The following SCFD1 variants were observed in gnomAD, a reference collection of about 807,000 sequenced individuals.
SCFD1 encodes sec1 family domain-containing protein 1.
SCFD1 carries 37 observed loss-of-function variants against 103.2 expected under a neutral mutation model. That is an observed-to-expected ratio of 0.36 (90% confidence interval 0.28 to 0.47). SCFD1 has a LOEUF of 0.47. SCFD1 is among the 20% of genes least tolerant of loss of function. The pLI, the probability that SCFD1 is intolerant of heterozygous loss-of-function variation, is 1.00. For synonymous variants in SCFD1, 264 were observed against 245.0 expected (o/e 1.08, Z -0.73); for missense variants, 639 against 761.2 (o/e 0.84, Z 1.89).
chr14:30,622,277 A>G (rs1052033807), upstream of SCFD1: 1 of 1,585,372 alleles, frequency 6.3e-7, no homozygotes, highest in Non-Finnish European at 8.5e-7. Flanking sequence ...CGGGGCGGTA[A>G]GGGCAGCCAC....
intron 17 of SCFD1, among the ~76,000 whole-genome samples, chr14:30,704,525 TTTG>T (rs1891336217): frequency 6.6e-6 from 1 of 152,190 alleles, no homozygotes. Flanking sequence ...AAAACTATTT[TTTG>T]TTGTTGTTGT....
At chr14:30,652,465 G>GT (rs1184221949) in intron 9 of SCFD1, 1 of 151,932 alleles carries the variant, frequency 6.6e-6, no homozygotes, top group African/African-American at 2.4e-5. Context: ...GTGGTATAGC[G>GT]TTTTTTGAGG....
At chr14:30,707,430 G>A (rs1891545406) in intron 18 of SCFD1, among the ~76,000 whole-genome samples, 2 of 152,104 alleles carry the variant, frequency 1.3e-5, no homozygotes, top group South Asian at 4.1e-4. Context: ...AGTCTGTTCT[G>A]TTTCACATTT....
chr14:30,654,479 GCCTGGCCAACGTGGCGAAAT>G, intron 10 of SCFD1, among the ~76,000 whole-genome samples: 1 of 152,326 alleles, frequency 6.6e-6, no homozygotes, highest in Non-Finnish European at 1.5e-5. Context: ...CTAAAGACCA[GCCTGGCCAACGTGGCGAAAT>G]CCTGTCTCTA....
intron 7 of SCFD1, among the ~76,000 whole-genome samples, chr14:30,645,447 GTCT>G (rs543326796): frequency 2.6e-5 from 4 of 152,108 alleles, no homozygotes; most frequent in Non-Finnish European, 5.9e-5. Context: ...TTAATATTGA[GTCT>G]TCTTATCCAT....
At chr14:30,678,270 C>T (rs1177590906) in intron 14 of SCFD1, among the ~76,000 whole-genome samples, 3 of 152,112 alleles carry the variant, frequency 2.0e-5, no homozygotes, top group Admixed American at 6.5e-5. Flanking sequence ...TTCCTTCAGT[C>T]GTTTTCTAAA....
At chr14:30,655,667 T>C (rs993205968) in intron 10 of SCFD1, among the ~76,000 whole-genome samples, 7 of 152,290 alleles carry the variant, frequency 4.6e-5, no homozygotes, top group African/African-American at 1.7e-4. Flanking sequence ...CTGTAGAGTA[T>C]AGGATTTGCT....
At chr14:30,726,856 C>T (rs1253319761) in intron 23 of SCFD1, among the ~76,000 whole-genome samples, 1 of 152,144 alleles carries the variant, frequency 6.6e-6, no homozygotes, top group African/African-American at 2.4e-5. Flanking sequence ...GCAAATCGGG[C>T]TTACCATAGG....
intron 10 of SCFD1, among the ~76,000 whole-genome samples, chr14:30,666,007 G>A (rs1310871922): frequency 6.6e-6 from 1 of 152,086 alleles, no homozygotes; most frequent in East Asian, 1.9e-4. Flanking sequence ...ACAGATCAAC[G>A]AGACAGAAGG....
At chr14:30,653,742 G>GT in intron 10 of SCFD1, 154 bp downstream of exon 10, 1 of 488,108 alleles carries the variant, frequency 2.0e-6, no homozygotes, top group South Asian at 3.8e-5. Context: ...GTATTACTGG[G>GT]TGTGGATGCT....
chr14:30,641,640 T>C (rs1216006505), intron 6 of SCFD1, among the ~76,000 whole-genome samples: 4 of 152,228 alleles, frequency 2.6e-5, no homozygotes, highest in Admixed American at 6.5e-5. Context: ...GTATTCTTTA[T>C]GATATTGATT....
chr14:30,655,586 A>G (rs751964398), intron 10 of SCFD1, among the ~76,000 whole-genome samples: 1 of 152,204 alleles, frequency 6.6e-6, no homozygotes, highest in Non-Finnish European at 1.5e-5. Context: ...AGGCTGTTGC[A>G]GTTATCTTAG....
upstream of SCFD1, chr14:30,622,269 G>T (rs1882893121): frequency 1.3e-6 from 2 of 1,578,772 alleles, no homozygotes; most frequent in East Asian, 4.5e-5. Flanking sequence ...TTTGCTTCCG[G>T]GGCGGTAAGG....
intron 8 of SCFD1, among the ~76,000 whole-genome samples, 190 bp from the exon 9 acceptor site, chr14:30,650,375 T>C (rs576887673): frequency 1.2e-4 from 18 of 152,376 alleles, no homozygotes; most frequent in African/African-American, 4.1e-4. Context: ...GAAAAGGCAC[T>C]GATCTTTGTT....
At chr14:30,680,037 CT>C (rs1414606189) in intron 14 of SCFD1, among the ~76,000 whole-genome samples, 1 of 152,070 alleles carries the variant, frequency 6.6e-6, no homozygotes, top group Non-Finnish European at 1.5e-5. Context: ...AAAGATAGCT[CT>C]TCAGTGAGTG....
At position 30,653,598 on chromosome 14, in the gene SCFD1, T is replaced by G. The variant is rs750192858; in HGVS notation, c.855+10T>G. 17 of 1,537,072 alleles carry G rather than the reference T, an allele frequency of 1.1e-5. No homozygotes were observed. Among genetic ancestry groups the G allele is most frequent in the Non-Finnish European group, 1.5e-5 (17 of 1,112,620 alleles). On this transcript the variant is annotated intron_variant, in intron 10 of 24. Transcript: ENST00000458591. ...GGTGCACGATGTACTGGTAAGAGAC[T>G]AAATGCAGCACTTATTACTGAAATA...
At chr14:30,647,102 G>T (rs1157423778) in intron 7 of SCFD1, among the ~76,000 whole-genome samples, 1 of 152,032 alleles carries the variant, frequency 6.6e-6, no homozygotes, top group African/African-American at 2.4e-5. Context: ...CACTGATGTA[G>T]ATTGTCTAAA....
At chr14:30,661,221 G>T (rs1019801049) in intron 10 of SCFD1, among the ~76,000 whole-genome samples, 1 of 152,112 alleles carries the variant, frequency 6.6e-6, no homozygotes, top group Admixed American at 6.6e-5. Flanking sequence ...GAGTCTTCCT[G>T]TTTCTTCCTA....
intron 23 of SCFD1, among the ~76,000 whole-genome samples, chr14:30,728,110 T>C (rs1011516589): frequency 1.3e-5 from 2 of 152,208 alleles, no homozygotes; most frequent in African/African-American, 2.4e-5. Context: ...GAAATTGTTA[T>C]CAGTTCCTGT....
Sources: gnomAD v4.1 joint callset for allele counts (sites outside exome capture counted in the v4.1 genomes callset) on GRCh38, gnomAD v4.1.1 for gene constraint, MANE v1.5 for transcripts, NCBI Gene and HGNC (gene_info 2026-07-23, HGNC 2026-07-21) for gene names.